The following GPHN variants were observed in gnomAD, a reference collection of about 807,000 sequenced individuals.
The protein encoded by GPHN is gephyrin.
GPHN carries 17 observed loss-of-function variants against 95.5 expected under a neutral mutation model. The observed-to-expected ratio is 0.18, with a 90% CI of 0.12 to 0.27. GPHN has a LOEUF of 0.27. Ranked by LOEUF, GPHN falls within the 10% of genes least tolerant of loss-of-function variation. The pLI is 1.00. For synonymous variants in GPHN, 320 were observed against 322.5 expected (o/e 0.99, Z 0.08); for missense variants, 660 against 978.1 (o/e 0.67, Z 4.34).
chr14:67,413,166 T>G, the GPHN span, among the ~76,000 whole-genome samples: 1 of 152,220 alleles, frequency 6.6e-6, no homozygotes, highest in Admixed American at 6.5e-5. Context: ...TCAACAACAA[T>G]GTTCTATCAG....
chr14:67,586,098 G>A, the GPHN span: 1 of 1,613,824 alleles, frequency 6.2e-7, no homozygotes, highest in Non-Finnish European at 8.5e-7. Context: ...TGCTCCCAAG[G>A]TAGGTCTGAC....
rs532503102 is a variant in GPHN, at chr14:66,720,305, G to C, written c.143+39120G>C. ...GTGGCAGCTCACTCCTGTAATCCCA[G>C]CAAAATGAGAAGCTGAGATGGGCAG... On this transcript the variant is annotated intron_variant, in intron 2 of 22. Coordinates refer to ENST00000478722, the MANE Select transcript of GPHN (RefSeq NM_020806.5). Among the ~76,000 whole-genome samples the C allele has an allele frequency of 2.4e-3, 365 of 152,294 alleles. 4 individuals carry two copies. Among genetic ancestry groups the C allele is most frequent in the African/African-American group, 8.3e-3 (344 of 41,556 alleles).
intron 4 of GPHN, among the ~76,000 whole-genome samples, chr14:66,872,049 T>C (rs2063462366): frequency 6.6e-6 from 1 of 152,246 alleles, no homozygotes; most frequent in Non-Finnish European, 1.5e-5. Context: ...TATCCTGTTA[T>C]GCTAGGATTC....
the GPHN span, among the ~76,000 whole-genome samples, chr14:67,430,840 G>A: frequency 8.0e-4 from 122 of 152,298 alleles, no homozygotes; most frequent in African/African-American, 2.8e-3. Flanking sequence ...TGAGGATTCT[G>A]TGATCAAAGC....
intron 8 of GPHN, among the ~76,000 whole-genome samples, chr14:66,930,681 A>G (rs2066742100): frequency 6.6e-6 from 1 of 152,032 alleles, no homozygotes; most frequent in Non-Finnish European, 1.5e-5. Flanking sequence ...ACGCAACACC[A>G]TGACCAACTA....
At chr14:67,377,208 G>A in the GPHN span, among the ~76,000 whole-genome samples, 6 of 152,228 alleles carry the variant, frequency 3.9e-5, no homozygotes, top group South Asian at 1.2e-3. Context: ...ATTATTGTGA[G>A]CTTTTGCCTT....
the GPHN span, among the ~76,000 whole-genome samples, chr14:67,611,401 C>T: frequency 2.8e-4 from 43 of 152,058 alleles, no homozygotes; most frequent in African/African-American, 9.9e-4. Context: ...GTTGGGACTA[C>T]AGCCACCACA....
the GPHN span, chr14:67,381,458 A>T: frequency 1.8e-6 from 1 of 544,846 alleles, no homozygotes; most frequent in South Asian, 3.1e-5. Flanking sequence ...TTTATAAATA[A>T]GGAACTGCAG....
the GPHN span, among the ~76,000 whole-genome samples, chr14:67,307,903 T>TA: frequency 1.3e-5 from 2 of 151,992 alleles, no homozygotes; most frequent in African/African-American, 4.8e-5. Flanking sequence ...AATGCAGCCA[T>TA]AAAAAAATGA....
the GPHN span, among the ~76,000 whole-genome samples, chr14:67,393,743 C>A: frequency 6.6e-6 from 1 of 152,072 alleles, no homozygotes; most frequent in East Asian, 1.9e-4. Context: ...TGTGAGCCAC[C>A]GTGCCTGGCC....
chr14:66,909,315 AT>A (rs946721729), intron 5 of GPHN, among the ~76,000 whole-genome samples: 1 of 152,104 alleles, frequency 6.6e-6, no homozygotes, highest in African/African-American at 2.4e-5. Flanking sequence ...ACATTTCTCA[AT>A]TCATGTTATG....
intron 4 of GPHN, among the ~76,000 whole-genome samples, chr14:66,854,918 G>A (rs1230919615): frequency 6.6e-6 from 1 of 150,468 alleles, no homozygotes; most frequent in Non-Finnish European, 1.5e-5. Context: ...CACGATCTCA[G>A]CTCACTGCAA....
In GPHN at chr14:67,181,555, T is replaced by A; in HGVS notation, c.*618T>A. On this transcript the variant is annotated 3_prime_UTR_variant, in exon 23 of 23. Coordinates refer to ENST00000478722, the MANE Select transcript of GPHN (RefSeq NM_020806.5). ...GGGCAGTAACTGGACACCTTTTATT[T>A]GAAGAAACAAACTGAAGAAAAAATG... 1 of 466,854 alleles carries A rather than the reference T, an allele frequency of 2.1e-6. No homozygotes were observed. Among genetic ancestry groups the A allele is most frequent in the South Asian group, 1.7e-5 (1 of 57,532 alleles). 28.9% of individuals were successfully genotyped at this position (466,854 alleles called of 1,614,324 possible).
chr14:66,583,167 G>A (rs1425698701), intron 1 of GPHN, among the ~76,000 whole-genome samples: 2 of 151,934 alleles, frequency 1.3e-5, no homozygotes, highest in Non-Finnish European at 1.5e-5. Context: ...GTGTTTTTTG[G>A]CTGCATAAAT....
At chr14:67,520,672 T>C in the GPHN span, among the ~76,000 whole-genome samples, 2 of 151,604 alleles carry the variant, frequency 1.3e-5, no homozygotes, top group Non-Finnish European at 2.9e-5. Flanking sequence ...TGGACATAAA[T>C]TTCCAACTCC....
Position 67,071,538 on chromosome 14 carries a change from C to T in GPHN, c.1144+12752C>T, listed in dbSNP as rs541841600. ...TAGGAGATATACCTAATGTAAATGA[C>T]GAGTTAATGGGTGCAGCACACCAAC... is the stretch of plus-strand genomic sequence containing the variant. On this transcript the variant is annotated intron_variant, in intron 11 of 22. Coordinates refer to ENST00000478722, the MANE Select transcript of GPHN (RefSeq NM_020806.5). Among the ~76,000 whole-genome samples, 58 of 151,870 alleles carry T rather than the reference C, an allele frequency of 3.8e-4. 2 individuals carry two copies. Among genetic ancestry groups the T allele is most frequent in the African/African-American group, 1.2e-3 (48 of 41,388 alleles).
intron 9 of GPHN, among the ~76,000 whole-genome samples, chr14:67,011,378 G>T (rs2072992126): frequency 6.7e-6 from 1 of 150,226 alleles, no homozygotes; most frequent in Non-Finnish European, 1.5e-5. Context: ...TTTGTGACCA[G>T]CCTGGACAAC....
chr14:66,871,753 AACAC>A (rs1452251692), intron 4 of GPHN, among the ~76,000 whole-genome samples: 1 of 152,088 alleles, frequency 6.6e-6, no homozygotes, highest in Non-Finnish European at 1.5e-5. Flanking sequence ...GGAGGAAAAC[AACAC>A]ACACTGGGGC....
chr14:67,312,694 A>G, the GPHN span: 1 of 1,609,186 alleles, frequency 6.2e-7, no homozygotes, highest in East Asian at 2.2e-5. Context: ...ATCAACCTCT[A>G]GCCGGGCTTG....
Sources: gnomAD v4.1 joint callset for allele counts (sites outside exome capture counted in the v4.1 genomes callset) on GRCh38, gnomAD v4.1.1 for gene constraint, MANE v1.5 for transcripts, NCBI Gene and HGNC (gene_info 2026-07-23, HGNC 2026-07-21) for gene names.